Variants in SLC37A1 observed in about 807,000 individuals in gnomAD.
The protein encoded by SLC37A1 is solute carrier family 37 member 1.
A neutral mutation model predicts 75.3 loss-of-function variants in SLC37A1; 49 were observed. The ratio of observed to expected loss-of-function variants is 0.65; its 90% CI spans 0.52 to 0.83. The LOEUF is 0.83. Ranked by LOEUF, SLC37A1 falls within the 40% of genes least tolerant of loss-of-function variation. SLC37A1 has a pLI of 0.00. For missense variants in SLC37A1, 566 were observed against 695.0 expected, an observed-to-expected ratio of 0.81 and a Z score of 2.09; for synonymous variants, 268 against 292.1, an observed-to-expected ratio of 0.92 and a Z score of 0.84.
chr21:42,574,826 C>G lies in SLC37A1; in HGVS notation c.1432C>G (p.Leu478Val), dbSNP rs771967629. The G allele has an allele frequency of 1.2e-6, 2 of 1,614,118 alleles. No individual in the cohort carries two copies. Among genetic ancestry groups the G allele is most frequent in the South Asian group, 2.2e-5 (2 of 91,060 alleles). The part of the protein sequence containing the change: ...IDGTGSVGAA[L>V]GPLLAGLLSP... ...CATTTGCCTGATTTCAGGAGCAGCC[C>G]TGGGCCCCCTGCTGGCTGGGCTCCT... is the stretch of plus-strand genomic sequence containing the variant. Residue 478 changes from leucine (L) to valine (V), a missense_variant, in exon 18 of 20, where the codon CTG (leucine) becomes GTG (valine). Physicochemically the swap from Leu to Val is conservative, Grantham distance 32 (BLOSUM62 1). Transcript: ENST00000352133.
intron 9 of SLC37A1, among the ~76,000 whole-genome samples, chr21:42,553,145 G>A (rs2055597633): frequency 1.3e-5 from 2 of 152,272 alleles, no homozygotes; most frequent in East Asian, 1.9e-4. Context: ...CCTTTTGGAG[G>A]CCCCATAGAT....
At chr21:42,549,359 C>G (rs1004737474) in intron 9 of SLC37A1, among the ~76,000 whole-genome samples, 23 of 152,278 alleles carry the variant, frequency 1.5e-4, no homozygotes, top group African/African-American at 5.3e-4. Context: ...TTCTGCTCCT[C>G]GTGTGTATGA....
chr21:42,502,578 T>G (rs1487585725), intron 2 of SLC37A1: 1 of 152,244 alleles, frequency 6.6e-6, no homozygotes, highest in Non-Finnish European at 1.5e-5. Context: ...TTTAGATTAG[T>G]TTTTTGCAGG....
At chr21:42,524,801 G>C (rs1330463183) in intron 2 of SLC37A1, among the ~76,000 whole-genome samples, 2 of 152,194 alleles carry the variant, frequency 1.3e-5, no homozygotes, top group Non-Finnish European at 2.9e-5. Flanking sequence ...CTCTGGCCCT[G>C]GTTCTGGGCA....
chr21:42,553,984 TC>T, intron 9 of SLC37A1, 77 bp from the exon 10 acceptor site: 3 of 1,209,054 alleles, frequency 2.5e-6, no homozygotes, highest in Non-Finnish European at 3.5e-6. Flanking sequence ...ATAGTAAGTA[TC>T]CTTGCTACAG....
chr21:42,572,747 A>G (rs944531634), intron 17 of SLC37A1, among the ~76,000 whole-genome samples: 2 of 145,908 alleles, frequency 1.4e-5, no homozygotes, highest in African/African-American at 5.0e-5. Context: ...GGGAGGTTCA[A>G]CTTAGTCTTC....
intron 12 of SLC37A1, 121 bp downstream of exon 12, chr21:42,562,289 C>T: frequency 2.4e-6 from 2 of 827,534 alleles, no homozygotes; most frequent in Admixed American, 3.9e-5. Context: ...TTGAGAGGTA[C>T]ACCTTTGAAT....
chr21:42,503,520 A>AT (rs1341215035), intron 2 of SLC37A1, among the ~76,000 whole-genome samples: 1 of 152,144 alleles, frequency 6.6e-6, no homozygotes, highest in Non-Finnish European at 1.5e-5. Flanking sequence ...AAGTGCTGGA[A>AT]TTACAGGTGT....
intron 2 of SLC37A1, among the ~76,000 whole-genome samples, chr21:42,507,638 G>C (rs1266576801): frequency 6.6e-6 from 1 of 152,188 alleles, no homozygotes; most frequent in African/African-American, 2.4e-5. Context: ...AAGAAGCATG[G>C]CACCAGCACG....
chr21:42,555,827 G>A (rs1307137158), intron 10 of SLC37A1, among the ~76,000 whole-genome samples: 1 of 152,228 alleles, frequency 6.6e-6, no homozygotes, highest in Non-Finnish European at 1.5e-5. Flanking sequence ...GCACTGGCAG[G>A]CCTTATTTCA....
In SLC37A1 at chr21:42,567,037, C is replaced by A; in HGVS notation, c.1323C>A (p.Thr441=). The A allele has an allele frequency of 1.2e-6, 2 of 1,609,408 alleles. No homozygotes were observed. The highest frequency in any genetic ancestry group is 1.7e-6 in the Non-Finnish European group (2 of 1,179,906). Residue 441 remains threonine, a synonymous_variant, in exon 16 of 20, where the codon ACC becomes ACA. Coordinates refer to ENST00000352133, the MANE Select transcript of SLC37A1 (RefSeq NM_001320537.2). Reference sequence around the variant, plus strand: ...TCAGTGGGCCCTACACACTCATCACCACCGCCGTCTCCGCCGACCTGGTGA... The same window carrying A: ...TCAGTGGGCCCTACACACTCATCACAACCGCCGTCTCCGCCGACCTGGTGA... ...ALVSGPYTLI[T]TAVSADLGTH...
At chr21:42,579,874 G>T in intron 19 of SLC37A1, 74 bp downstream of exon 19, 1 of 1,366,400 alleles carries the variant, frequency 7.3e-7, no homozygotes, top group Admixed American at 1.8e-5. Flanking sequence ...TCTGCCTTCT[G>T]CACCTGGCTT....
At chr21:42,530,655 C>CACACACACA (rs1491531929) in intron 3 of SLC37A1, among the ~76,000 whole-genome samples, 59 of 25,794 alleles carry the variant, frequency 2.3e-3, no homozygotes, top group African/African-American at 3.2e-3. Flanking sequence ...CACACACACA[C>CACACACACA]CCCCTCTGTG....
chr21:42,504,927 C>A (rs1056676422), intron 2 of SLC37A1, among the ~76,000 whole-genome samples: 3 of 152,200 alleles, frequency 2.0e-5, no homozygotes. Flanking sequence ...TTCCTTCCCC[C>A]TTCCCCAACC....
At chr21:42,525,314 G>A (rs370276266) in intron 2 of SLC37A1, among the ~76,000 whole-genome samples, 17 of 152,398 alleles carry the variant, frequency 1.1e-4, no homozygotes, top group African/African-American at 4.1e-4. Context: ...TTGGTCAGAG[G>A]AGCAGGTCAC....
At chr21:42,568,085 G>C (rs1015332517) in intron 16 of SLC37A1, among the ~76,000 whole-genome samples, 3 of 152,256 alleles carry the variant, frequency 2.0e-5, no homozygotes, top group Admixed American at 6.5e-5. Flanking sequence ...GGGGCCTCAG[G>C]GAGGAGCAGG....
intron 12 of SLC37A1, among the ~76,000 whole-genome samples, chr21:42,562,574 G>A (rs760002145): frequency 1.4e-4 from 22 of 152,266 alleles, no homozygotes; most frequent in East Asian, 7.7e-4. Flanking sequence ...GGGAGATAGC[G>A]TCTCATTTTT....
intron 8 of SLC37A1, among the ~76,000 whole-genome samples, chr21:42,543,943 G>C (rs1000074876): frequency 1.3e-5 from 2 of 152,192 alleles, no homozygotes; most frequent in African/African-American, 2.4e-5. Flanking sequence ...ACCACAGCCT[G>C]AATTGGACCC....
Position 42,580,626 on chromosome 21 carries a change from C to T in SLC37A1, c.*266C>T, listed in dbSNP as rs1388394413. On this transcript the variant is annotated 3_prime_UTR_variant, in exon 20 of 20. Transcript: ENST00000352133. ...GAAGACCCGGCCGGCCCTGGCCTCA[C>T]AGGCGTGTGCCCATGCAGCCACCCA... 2 of 369,514 alleles carry T rather than the reference C, an allele frequency of 5.4e-6. No homozygotes were observed. Among genetic ancestry groups the T allele is most frequent in the East Asian group, 1.3e-4 (2 of 15,666 alleles). The allele number at this position is 369,514 out of a possible 1,614,324, so 22.9% of individuals were successfully genotyped here.
Sources: allele counts gnomAD v4.1 joint callset (sites outside exome capture counted in the v4.1 genomes callset), GRCh38; gene constraint gnomAD v4.1.1; transcripts MANE v1.5; gene names NCBI Gene and HGNC (gene_info 2026-07-23, HGNC 2026-07-21).